LIN7A: variants seen among roughly 807,000 people sequenced by gnomAD.
LIN7A encodes lin-7 cell polarity scaffold A, also known as protein lin-7 homolog A.
A neutral mutation model predicts 29.8 loss-of-function variants in LIN7A; 25 were observed. That is an observed-to-expected ratio of 0.84 (90% CI 0.61 to 1.17). LIN7A has a LOEUF of 1.17. Among genes scored for constraint, LIN7A ranks in the 50% most tolerant of loss-of-function variants. The pLI is 0.00. For missense variants in LIN7A, 239 were observed against 287.0 expected (o/e 0.83, Z 1.21); for synonymous variants, 118 against 107.5 (o/e 1.10, Z -0.60).
intron 5 of LIN7A, among the ~76,000 whole-genome samples, chr12:80,803,021 A>G (rs999669400): frequency 6.6e-6 from 1 of 152,198 alleles, no homozygotes; most frequent in African/African-American, 2.4e-5. Context: ...AGTTCCATAC[A>G]TATTTTGGAT....
At chr12:80,848,369 A>T in intron 2 of LIN7A, 47 bp from the exon 3 acceptor site, 3 of 1,319,530 alleles carry the variant, frequency 2.3e-6, no homozygotes, top group Non-Finnish European at 1.1e-6. Context: ...CATGAAGAAT[A>T]ATAATTCTTT....
intron 4 of LIN7A, 173 bp downstream of exon 4, chr12:80,845,557 A>G: frequency 1.9e-6 from 1 of 514,188 alleles, no homozygotes; most frequent in Non-Finnish European, 3.4e-6. Flanking sequence ...GAAATGAGAC[A>G]TAAAAATTAG....
At chr12:80,836,182 T>C (rs146146991) in intron 4 of LIN7A, among the ~76,000 whole-genome samples, 1 of 152,348 alleles carries the variant, frequency 6.6e-6, no homozygotes, top group East Asian at 1.9e-4. Flanking sequence ...AATCAGTTCT[T>C]CAGCCTCATC....
intron 4 of LIN7A, among the ~76,000 whole-genome samples, chr12:80,843,550 T>C (rs944747531): frequency 3.3e-5 from 5 of 152,154 alleles, no homozygotes; most frequent in Admixed American, 2.6e-4. Flanking sequence ...TTAACCTAAC[T>C]AGCAAAAGCA....
chr12:80,816,727 A>G (rs1277259810), intron 4 of LIN7A, among the ~76,000 whole-genome samples: 1 of 152,168 alleles, frequency 6.6e-6, no homozygotes, highest in African/African-American at 2.4e-5. Context: ...AATTTGATTG[A>G]AGTTTAGCAA....
At position 80,797,334 on chromosome 12, in the gene LIN7A, T is replaced by G. The variant is rs1166592497; in HGVS notation, c.*393A>C. On this transcript the variant is annotated 3_prime_UTR_variant, in exon 6 of 6. Transcript: ENST00000552864. ...CTTTGAACTGATGCAGTTTGAATTA[T>G]AGCCTAATGAGGGGTTTGCTAATAT... 6.6e-6 allele frequency: 1 copy of G among 152,634 alleles called. No individual in the cohort carries two copies. The highest frequency in any genetic ancestry group is 2.4e-5 in the African/African-American group (1 of 41,460). 9.5% of individuals were successfully genotyped at this position (152,634 alleles called of 1,614,324 possible).
chr12:80,874,041 A>G (rs1874561863), intron 2 of LIN7A, among the ~76,000 whole-genome samples: 1 of 152,096 alleles, frequency 6.6e-6, no homozygotes, highest in African/African-American at 2.4e-5. Context: ...GAGATGTCCT[A>G]CTGTTGATCT....
intron 1 of LIN7A, among the ~76,000 whole-genome samples, chr12:80,894,763 C>A (rs962301451): frequency 6.6e-6 from 1 of 152,122 alleles, no homozygotes; most frequent in African/African-American, 2.4e-5. Flanking sequence ...TGGTCCAGAA[C>A]AAAATGAGTT....
At chr12:80,872,658 T>C (rs1321724591) in intron 2 of LIN7A, among the ~76,000 whole-genome samples, 1 of 152,234 alleles carries the variant, frequency 6.6e-6, no homozygotes, top group African/African-American at 2.4e-5. Context: ...AAATTCTTTG[T>C]CACATTTGGA....
At chr12:80,798,512 AC>A (rs2121474330) in intron 5 of LIN7A, among the ~76,000 whole-genome samples, 1 of 152,160 alleles carries the variant, frequency 6.6e-6, no homozygotes, top group Non-Finnish European at 1.5e-5. Flanking sequence ...CCGTGCATAA[AC>A]CCATTGTGTT....
chr12:80,820,113 T>G (rs1218463609), intron 4 of LIN7A, among the ~76,000 whole-genome samples: 1 of 152,172 alleles, frequency 6.6e-6, no homozygotes, highest in Non-Finnish European at 1.5e-5. Context: ...CATTAGTTAT[T>G]CATTAAAACT....
At chr12:80,837,476 G>A (rs1872632087) in intron 4 of LIN7A, among the ~76,000 whole-genome samples, 2 of 152,006 alleles carry the variant, frequency 1.3e-5, no homozygotes, top group African/African-American at 4.8e-5. Context: ...TTGGAATGAG[G>A]TGGCCACAAA....
chr12:80,911,257 G>A (rs183473509), intron 1 of LIN7A, among the ~76,000 whole-genome samples: 1 of 150,494 alleles, frequency 6.6e-6, no homozygotes. Flanking sequence ...CTAGAGGGTG[G>A]AAGTTTGTCT....
At chr12:80,906,503 G>T (rs556080024) in intron 1 of LIN7A, among the ~76,000 whole-genome samples, 2 of 151,996 alleles carry the variant, frequency 1.3e-5, no homozygotes, top group Non-Finnish European at 1.5e-5. Context: ...CTGGGGGTTG[G>T]GGGGTTTGCC....
intron 2 of LIN7A, among the ~76,000 whole-genome samples, chr12:80,859,956 CAT>C (rs1338889320): frequency 1.7e-4 from 26 of 152,232 alleles, no homozygotes; most frequent in Non-Finnish European, 4.4e-5. Context: ...GAAATTATGA[CAT>C]GTGAGTACAT....
intron 4 of LIN7A, among the ~76,000 whole-genome samples, chr12:80,827,820 A>G (rs908864212): frequency 6.6e-6 from 1 of 152,178 alleles, no homozygotes; most frequent in African/African-American, 2.4e-5. Context: ...CAAACACTTT[A>G]TGATGGTTTA....
intron 4 of LIN7A, among the ~76,000 whole-genome samples, chr12:80,837,732 C>T (rs1192009791): frequency 2.6e-5 from 4 of 152,160 alleles, no homozygotes; most frequent in Non-Finnish European, 5.9e-5. Context: ...AATCCTGTTA[C>T]TGTGACCAGT....
chr12:80,842,225 T>G, intron 4 of LIN7A: 8 of 806,360 alleles, frequency 9.9e-6, no homozygotes, highest in Non-Finnish European at 1.2e-5. Context: ...AACCTAACAT[T>G]CCATGTTAAT....
At chr12:80,936,986 T>A (rs887962001) in intron 1 of LIN7A, 2 of 151,964 alleles carry the variant, frequency 1.3e-5, no homozygotes, top group Non-Finnish European at 2.9e-5. Flanking sequence ...CCGCTTTCGA[T>A]CTCGAAGCCG....
Sources: gnomAD v4.1 joint callset for allele counts (sites outside exome capture counted in the v4.1 genomes callset) on GRCh38, gnomAD v4.1.1 for gene constraint, MANE v1.5 for transcripts, NCBI Gene and HGNC (gene_info 2026-07-23, HGNC 2026-07-21) for gene names.